NDUFAF1: variants seen among roughly 807,000 people sequenced by gnomAD.
NDUFAF1 encodes NADH:ubiquinone oxidoreductase complex assembly factor 1, also known as complex I intermediate-associated protein 30, mitochondrial.
NDUFAF1 carries 18 observed loss-of-function variants against 28.7 expected under a neutral mutation model. That is an observed-to-expected ratio of 0.63 (90% confidence interval 0.43 to 0.93). The LOEUF is 0.93. Among genes scored for constraint, NDUFAF1 ranks in the 40% least tolerant of loss-of-function variants. NDUFAF1 has a pLI of 0.00. For synonymous variants in NDUFAF1, 113 were observed against 139.7 expected (o/e 0.81, Z 1.35); for missense variants, 404 against 398.3 (o/e 1.01, Z -0.12).
intron 1 of NDUFAF1, among the ~76,000 whole-genome samples, chr15:41,397,666 G>C (rs961674383): frequency 5.9e-5 from 9 of 151,482 alleles, no homozygotes; most frequent in African/African-American, 2.2e-4. Flanking sequence ...GGGTGTGGTG[G>C]CGGGCGCCTG....
intron 3 of NDUFAF1, chr15:41,394,452 C>T: frequency 9.6e-7 from 1 of 1,040,124 alleles, no homozygotes; most frequent in Non-Finnish European, 1.3e-6. Context: ...TTAGCATGGA[C>T]CTGGCCACAT....
chr15:41,399,344 C>T (rs2050431046), intron 1 of NDUFAF1, among the ~76,000 whole-genome samples: 2 of 151,556 alleles, frequency 1.3e-5, no homozygotes, highest in African/African-American at 2.4e-5. Flanking sequence ...TGCAGTGAGC[C>T]GAGATCGTGC....
intron 3 of NDUFAF1, chr15:41,394,491 T>C (rs1172307236): frequency 2.9e-6 from 2 of 684,570 alleles, no homozygotes; most frequent in Non-Finnish European, 2.3e-6. Context: ...CTAGTTAGTA[T>C]GTTAACATTT....
chr15:41,389,705 T>A (rs1219662141), intron 3 of NDUFAF1, among the ~76,000 whole-genome samples: 1 of 151,998 alleles, frequency 6.6e-6, no homozygotes, highest in Non-Finnish European at 1.5e-5. Flanking sequence ...GCTGGGAGGT[T>A]GGGGCTACAG....
intron 1 of NDUFAF1, among the ~76,000 whole-genome samples, chr15:41,398,761 C>T (rs1224518326): frequency 6.6e-6 from 1 of 151,912 alleles, no homozygotes; most frequent in Non-Finnish European, 1.5e-5. Context: ...TCAAGACCAG[C>T]CTGGCCAAAA....
chr15:41,397,248 C>T, intron 1 of NDUFAF1, 108 bp from the exon 2 acceptor site: 1 of 576,532 alleles, frequency 1.7e-6, no homozygotes. Context: ...TATTTGTTTA[C>T]TATTATTATT....
chr15:41,394,570 G>T (rs1396750822), intron 3 of NDUFAF1, among the ~76,000 whole-genome samples: 1 of 67,094 alleles, frequency 1.5e-5, no homozygotes, highest in Non-Finnish European at 2.8e-5. Context: ...CACCTTCCAA[G>T]AAAGATTAGT....
chr15:41,394,280 C>T (rs769281751), intron 3 of NDUFAF1: 95 of 982,278 alleles, frequency 9.7e-5, no homozygotes, highest in Non-Finnish European at 1.2e-4. Flanking sequence ...GTGATCCGTC[C>T]GCCTTGGCCT....
chr15:41,402,587 G>T, upstream of NDUFAF1: 1 of 250,930 alleles, frequency 4.0e-6, no homozygotes, highest in Non-Finnish European at 8.5e-6. Context: ...GGACAGCAAG[G>T]ACCCCGTAGC....
At chr15:41,392,641 T>C (rs1051845201) in intron 3 of NDUFAF1, among the ~76,000 whole-genome samples, 1 of 152,162 alleles carries the variant, frequency 6.6e-6, no homozygotes, top group African/African-American at 2.4e-5. Context: ...AGGATGTGTT[T>C]ACTTCCCCTT....
intron 3 of NDUFAF1, among the ~76,000 whole-genome samples, chr15:41,393,206 C>G (rs1265575812): frequency 2.0e-5 from 3 of 149,798 alleles, no homozygotes; most frequent in South Asian, 2.1e-4. Flanking sequence ...CTTACTGCAA[C>G]CTCCACCTCC....
intron 1 of NDUFAF1, among the ~76,000 whole-genome samples, chr15:41,398,257 C>T (rs535029451): frequency 1.3e-5 from 2 of 151,170 alleles, no homozygotes; most frequent in African/African-American, 2.4e-5. Context: ...TTTGGGAGGC[C>T]GAGGCGGATG....
intron 3 of NDUFAF1, among the ~76,000 whole-genome samples, chr15:41,390,599 C>G (rs1387292113): frequency 2.6e-5 from 4 of 151,672 alleles, no homozygotes; most frequent in Non-Finnish European, 1.5e-5. Context: ...GTGGCAGGTG[C>G]CTGTAGTCCC....
intron 3 of NDUFAF1, among the ~76,000 whole-genome samples, 163 bp downstream of exon 3, chr15:41,394,696 C>G (rs113428052): frequency 2.1e-5 from 3 of 141,552 alleles, no homozygotes; most frequent in Non-Finnish European, 4.5e-5. Context: ...TACAATGGCA[C>G]GATCAGAGAC....
rs555268192 is a variant in NDUFAF1, at chr15:41,393,977, G to A, written c.759+882C>T. The A allele has an allele frequency of 2.5e-3, 661 of 269,138 alleles. 20 individuals carry two copies. The highest frequency in any genetic ancestry group is 0.023 in the South Asian group (645 of 28,162). 16.7% of individuals were successfully genotyped at this position (269,138 alleles called of 1,614,324 possible). ...ACCCACCTTGGCCTCCCAAAGTGCT[G>A]GGATTACAGACATGAGCCACCACGC... On this transcript the variant is annotated intron_variant, in intron 3 of 4. Transcript: ENST00000260361.
At chr15:41,398,577 G>A (rs1484565117) in intron 1 of NDUFAF1, among the ~76,000 whole-genome samples, 1 of 151,958 alleles carries the variant, frequency 6.6e-6, no homozygotes, top group Admixed American at 6.6e-5. Context: ...GAACTCCTGG[G>A]CCCTGGACTG....
chr15:41,398,555 C>G (rs1414735404), intron 1 of NDUFAF1, among the ~76,000 whole-genome samples: 3 of 151,880 alleles, frequency 2.0e-5, no homozygotes, highest in African/African-American at 7.3e-5. Context: ...ATCGATAACT[C>G]ATTGTAGCCT....
At chr15:41,401,411 C>T (rs2050461284) in intron 1 of NDUFAF1, among the ~76,000 whole-genome samples, 1 of 150,872 alleles carries the variant, frequency 6.6e-6, no homozygotes, top group African/African-American at 2.4e-5. Flanking sequence ...GCTGAAATTA[C>T]AGGTGCCCGC....
At chr15:41,392,027 G>T (rs1486074586) in intron 3 of NDUFAF1, among the ~76,000 whole-genome samples, 1 of 150,806 alleles carries the variant, frequency 6.6e-6, no homozygotes, top group Non-Finnish European at 1.5e-5. Context: ...GTCCGATATT[G>T]TAGGCCCATA....
Sources: gnomAD v4.1 joint callset for allele counts (sites outside exome capture counted in the v4.1 genomes callset) on GRCh38, gnomAD v4.1.1 for gene constraint, MANE v1.5 for transcripts, NCBI Gene and HGNC (gene_info 2026-07-23, HGNC 2026-07-21) for gene names.